RFTN1: variants seen among roughly 807,000 people sequenced by gnomAD.
RFTN1 encodes raftlin.
A neutral mutation model predicts 46.5 loss-of-function variants in RFTN1; 26 were observed. The ratio of observed to expected loss-of-function variants is 0.56; its 90% CI spans 0.41 to 0.78. RFTN1 has a LOEUF of 0.78. Among genes scored for constraint, RFTN1 ranks in the 30% least tolerant of loss-of-function variants. The probability of loss-of-function intolerance (pLI) is 0.00; values close to 1 mark genes in which losing one functional copy is unlikely to be tolerated. For synonymous variants in RFTN1, 261 were observed against 284.2 expected (o/e 0.92, Z 0.82); for missense variants, 693 against 718.7 (o/e 0.96, Z 0.41).
intron 2 of RFTN1, among the ~76,000 whole-genome samples, chr3:16,441,684 T>C (rs2075627137): frequency 6.6e-6 from 1 of 152,238 alleles, no homozygotes; most frequent in Non-Finnish European, 1.5e-5. Flanking sequence ...ACCTAATTAT[T>C]CAAAGTCTGA....
rs2075133091 is a variant in RFTN1, at chr3:16,418,813, T to TA, written c.333-9331dup. ...ACTAATGACAATAAAAATCTCCACT[T>TA]ATTCATTTGTCTATCCATCACCTGC... On this transcript the variant is annotated intron_variant, in intron 3 of 9. Transcript: ENST00000334133. The surrounding 1 kb of genome is among the most constrained non-coding windows in gnomAD (Gnocchi z 5.0). Among the ~76,000 whole-genome samples, 1 of 152,188 alleles carries TA rather than the reference T, an allele frequency of 6.6e-6. No individual in the cohort carries two copies. Among genetic ancestry groups the TA allele is most frequent in the African/African-American group, 2.4e-5 (1 of 41,436 alleles).
Position 16,451,164 on chromosome 3 carries a change from C to A in RFTN1, c.146-17127G>T, listed in dbSNP as rs889418885. On this transcript the variant is annotated intron_variant, in intron 2 of 9. Transcript: ENST00000334133. This position sits in a 1 kb window ranked among gnomAD's most constrained non-coding sequence, Gnocchi z 4.2. Reference sequence around the variant, plus strand: ...AAACTCTCAATAGTTAGTGGCTGAGCGCAGATGGGCAGATCTGCAAAGGAG... The same window carrying A: ...AAACTCTCAATAGTTAGTGGCTGAGAGCAGATGGGCAGATCTGCAAAGGAG... Among the ~76,000 whole-genome samples, 1 of 152,120 alleles carries A rather than the reference C, an allele frequency of 6.6e-6. No individual in the cohort carries two copies.
At chr3:16,415,739 A>G (rs1460038037) in intron 3 of RFTN1, among the ~76,000 whole-genome samples, 2 of 152,120 alleles carry the variant, frequency 1.3e-5, no homozygotes, top group African/African-American at 4.8e-5. Context: ...GAAGCAAGGA[A>G]GCAAGGAAGC....
intron 2 of RFTN1, among the ~76,000 whole-genome samples, chr3:16,462,910 G>A (rs1475816417): frequency 1.3e-5 from 2 of 152,206 alleles, no homozygotes; most frequent in Non-Finnish European, 2.9e-5. Flanking sequence ...CTGGTGTTAT[G>A]AATTGAGCTT....
rs1464731195 is a variant in RFTN1 at position 16,382,333 on chromosome 3, T to A, written c.442-4231A>T. Among the ~76,000 whole-genome samples the A allele has an allele frequency of 1.3e-5, 2 of 152,218 alleles. No homozygotes were observed. The highest frequency in any genetic ancestry group is 3.8e-4 in the East Asian group (2 of 5,198). ...CGACTCTTACAGTTCTGTCTTACCCTAGTATAGACACTTTCCTCTTTTTCA... is the reference window on the plus strand; with the variant it reads ...CGACTCTTACAGTTCTGTCTTACCCAAGTATAGACACTTTCCTCTTTTTCA... On this transcript the variant is annotated intron_variant, in intron 4 of 9. Transcript: ENST00000334133. This position sits in a 1 kb window ranked among gnomAD's most constrained non-coding sequence, Gnocchi z 4.7.
At chr3:16,478,809 C>T (rs907764185) in intron 2 of RFTN1, among the ~76,000 whole-genome samples, 2 of 152,212 alleles carry the variant, frequency 1.3e-5, no homozygotes, top group African/African-American at 2.4e-5. Context: ...AGGAAGCCTC[C>T]CTCAGTTCCT....
chr3:16,409,443 C>T lies in RFTN1; in HGVS notation c.373G>A (p.Glu125Lys), dbSNP rs534365191. The T allele has an allele frequency of 1.2e-6, 2 of 1,613,656 alleles. No individual in the cohort carries two copies. The highest frequency in any genetic ancestry group is 1.1e-5 in the South Asian group (1 of 91,068). Residue 125 changes from glutamate (E) to lysine (K), a missense_variant, in exon 4 of 10, where the codon GAA becomes AAA. Physicochemically the swap from Glu to Lys is moderately conservative, Grantham distance 56. Transcript: ENST00000334133. ...TCTAAGGAGGAACAGCAATCTAATT[C>T]CAAGATGTAGCCTTCATTGTGAAGA... ...TDLHNEGYIL[E>K]LDCCSSLDHP...
chr3:16,362,264 T>C (rs1273939456), intron 6 of RFTN1, among the ~76,000 whole-genome samples: 2 of 152,230 alleles, frequency 1.3e-5, no homozygotes, highest in Non-Finnish European at 2.9e-5. Flanking sequence ...TTTCCCATCC[T>C]GAGAGTCTGT....
In RFTN1 at chr3:16,345,817, T is replaced by TGTGTGTGTGTGTGCGC. The variant is rs1160939614; in HGVS notation, c.1146+12114_1146+12115insGCGCACACACACACAC. On this transcript the variant is annotated intron_variant, in intron 7 of 9. Coordinates refer to ENST00000334133, the MANE Select transcript of RFTN1 (RefSeq NM_015150.2). This position sits in a 1 kb window ranked among gnomAD's most constrained non-coding sequence, Gnocchi z 5.2. ...GTGTGTGTGTGTGTGTGTGTGTGTG[T>TGTGTGTGTGTGTGCGC]GCGCGCGCGCGTGCGCGCACGCGCA... Among the ~76,000 whole-genome samples, 17 of 74,616 alleles carry TGTGTGTGTGTGTGCGC rather than the reference T, an allele frequency of 2.3e-4. No homozygotes were observed. Among genetic ancestry groups the TGTGTGTGTGTGTGCGC allele is most frequent in the African/African-American group, 8.8e-4 (16 of 18,180 alleles). 49.0% of individuals were successfully genotyped at this position (74,616 alleles called of 152,430 possible).
At position 16,410,121 on chromosome 3, in the gene RFTN1, T is replaced by C. The variant is rs933935489; in HGVS notation, c.333-638A>G. ...AAACTACTCAAGTAATATATACATA[T>C]CCACATCATAGTAAGACCTCTAAGA... On this transcript the variant is annotated intron_variant, in intron 3 of 9. Coordinates refer to ENST00000334133, the MANE Select transcript of RFTN1 (RefSeq NM_015150.2). The surrounding 1 kb of genome is among the most constrained non-coding windows in gnomAD (Gnocchi z 4.6). Among the ~76,000 whole-genome samples, 1 of 151,628 alleles carries C rather than the reference T, an allele frequency of 6.6e-6. No individual in the cohort carries two copies. The highest frequency in any genetic ancestry group is 2.4e-5 in the African/African-American group (1 of 41,220).
At position 16,338,614 on chromosome 3, in the gene RFTN1, G is replaced by A. The variant is rs1184001452; in HGVS notation, c.1147-11738C>T. Among the ~76,000 whole-genome samples the A allele has an allele frequency of 6.6e-6, 1 of 152,184 alleles. No individual in the cohort carries two copies. The highest frequency in any genetic ancestry group is 2.4e-5 in the African/African-American group (1 of 41,444). On this transcript the variant is annotated intron_variant, in intron 7 of 9. Coordinates refer to ENST00000334133, the MANE Select transcript of RFTN1 (RefSeq NM_015150.2). This position sits in a 1 kb window ranked among gnomAD's most constrained non-coding sequence, Gnocchi z 5.3. ...TTTTCTCCATCCAGAGACTTGCCAG[G>A]TCCCTCCTACTGGCTTTGATGAGAG...
rs937971672 is a variant in RFTN1 at position 16,457,735 on chromosome 3, C to T, written c.146-23698G>A. ...ACACACAACTATTAGACAAAGGAGA[C>T]TTTTTACCATTAAGACTTAATTCGA... On this transcript the variant is annotated intron_variant, in intron 2 of 9. Coordinates refer to ENST00000334133, the MANE Select transcript of RFTN1 (RefSeq NM_015150.2). The surrounding 1 kb of genome is among the most constrained non-coding windows in gnomAD (Gnocchi z 4.2). 6.6e-6 allele frequency among the ~76,000 whole-genome samples: 1 copy of T among 152,070 alleles called. No individual in the cohort carries two copies. The highest frequency in any genetic ancestry group is 1.5e-5 in the Non-Finnish European group (1 of 68,010).
chr3:16,354,915 C>T (rs1032385591), intron 7 of RFTN1, among the ~76,000 whole-genome samples: 2 of 152,186 alleles, frequency 1.3e-5, no homozygotes, highest in Non-Finnish European at 2.9e-5. Flanking sequence ...CGCTAGGACA[C>T]GAACACAATT....
At chr3:16,339,368 T>A (rs1034621755) in intron 7 of RFTN1, 3 of 152,284 alleles carry the variant, frequency 2.0e-5, no homozygotes, top group Non-Finnish European at 4.4e-5. Context: ...AGGACCCAGC[T>A]CTGATAGGGC....
intron 7 of RFTN1, among the ~76,000 whole-genome samples, chr3:16,328,869 T>C (rs141437844): frequency 1.3e-3 from 201 of 152,328 alleles, no homozygotes; most frequent in African/African-American, 4.5e-3. Flanking sequence ...GCCTCAAATC[T>C]AACTTTTTCC....
intron 2 of RFTN1, among the ~76,000 whole-genome samples, chr3:16,469,567 C>A (rs113031786): frequency 6.6e-6 from 1 of 152,086 alleles, no homozygotes; most frequent in Non-Finnish European, 1.5e-5. Context: ...GAACTGGAGA[C>A]GCAAAGTGGG....
Position 16,317,103 on chromosome 3 carries a change from C to T in RFTN1, c.1462G>A (p.Ala488Thr), listed in dbSNP as rs956053606. The T allele has an allele frequency of 1.2e-6, 2 of 1,613,864 alleles. No homozygotes were observed. The highest frequency in any genetic ancestry group is 3.3e-5 in the Admixed American group (2 of 59,978). ...EKNLEDQSSK[A>T]GDMGNCVSGQ... ...GAAACACAGTTTCCCATGTCTCCAGCTTTGGAAGACTGGTCTTCTAAGTTC... is the reference window on the plus strand; with the variant it reads ...GAAACACAGTTTCCCATGTCTCCAGTTTTGGAAGACTGGTCTTCTAAGTTC... The change falls in exon 10 of 10, where the codon GCT (alanine) becomes ACT (threonine). Residue 488 changes from alanine (A) to threonine (T), a missense_variant. Coordinates refer to ENST00000334133, the MANE Select transcript of RFTN1 (RefSeq NM_015150.2). The surrounding 1 kb of genome is among the most constrained non-coding windows in gnomAD (Gnocchi z 4.3).
intron 3 of RFTN1, among the ~76,000 whole-genome samples, chr3:16,411,641 A>G (rs1275992324): frequency 6.6e-6 from 1 of 152,236 alleles, no homozygotes; most frequent in African/African-American, 2.4e-5. Flanking sequence ...ACATATTAAG[A>G]GGAACTAAGG....
chr3:16,485,912 A>C (rs2076440218), intron 2 of RFTN1, among the ~76,000 whole-genome samples: 1 of 152,254 alleles, frequency 6.6e-6, no homozygotes, highest in Non-Finnish European at 1.5e-5. Context: ...GGGCCCACTT[A>C]CTACTTGTTA....
Sources: allele counts gnomAD v4.1 joint callset (sites outside exome capture counted in the v4.1 genomes callset), GRCh38; gene constraint gnomAD v4.1.1; non-coding constraint Gnocchi (gnomAD v3.1); transcripts MANE v1.5; gene names NCBI Gene and HGNC (gene_info 2026-07-23, HGNC 2026-07-21).